Variants in PCDH15 observed in about 807,000 individuals in gnomAD.
PCDH15 encodes the protein protocadherin-15.
Under a neutral mutation model 178.5 loss-of-function variants are expected in PCDH15, and 129 were observed. The observed-to-expected ratio is 0.72, with a 90% CI of 0.63 to 0.84. The LOEUF is 0.84. Among genes scored for constraint, PCDH15 ranks in the 40% least tolerant of loss-of-function variants. The pLI, the probability that PCDH15 is intolerant of heterozygous loss-of-function variation, is 0.00. For synonymous variants in PCDH15, 800 were observed against 732.0 expected, an observed-to-expected ratio of 1.09 and a Z score of -1.50; for missense variants, 2,230 against 2,099.9, an observed-to-expected ratio of 1.06 and a Z score of -1.21.
chr10:55,313,756 A>C (rs2132291544), intron 1 of PCDH15, among the ~76,000 whole-genome samples: 1 of 152,312 alleles, frequency 6.6e-6, no homozygotes, highest in South Asian at 2.1e-4. Context: ...GGAATAGAAT[A>C]ATGTGCAGTG....
chr10:54,015,644 A>G (rs1032833579), intron 20 of PCDH15, among the ~76,000 whole-genome samples: 2 of 152,186 alleles, frequency 1.3e-5, no homozygotes, highest in African/African-American at 4.8e-5. Context: ...AAAACAAGCA[A>G]TGGAGAATGG....
Position 54,963,337 on chromosome 10 carries a change from T to G in PCDH15, c.-79-65837A>C, listed in dbSNP as rs544940403. Among the ~76,000 whole-genome samples, 25 of 11,836 alleles carry G rather than the reference T, an allele frequency of 2.1e-3. No homozygotes were observed. The East Asian group carries it at 0.15, about 72-fold the overall frequency. The allele number at this position is 11,836 out of a possible 152,430, so 7.8% of individuals were successfully genotyped here. ...TCTGCTTAACTGACATAAAATGTGT[T>G]TTTTTTTTTTTACTATTTTAATGGA... On this transcript the variant is annotated intron_variant, in intron 2 of 5. Coordinates refer to the PCDH15 transcript ENST00000458638.
intron 2 of PCDH15, among the ~76,000 whole-genome samples, chr10:55,430,998 AT>A (rs775998970): frequency 2.0e-4 from 31 of 152,166 alleles, no homozygotes; most frequent in Non-Finnish European, 3.7e-4. Context: ...ACTGGCTGGA[AT>A]TTATTTCCTT....
At chr10:55,072,867 G>A (rs970651330) in intron 2 of PCDH15, among the ~76,000 whole-genome samples, 37 of 150,698 alleles carry the variant, frequency 2.5e-4, no homozygotes, top group Non-Finnish European at 3.3e-4. Context: ...CTGGCAAACC[G>A]AATCCAGCAG....
intron 2 of PCDH15, among the ~76,000 whole-genome samples, chr10:55,359,930 T>A (rs1219267307): frequency 6.6e-6 from 1 of 151,636 alleles, no homozygotes; most frequent in Non-Finnish European, 1.5e-5. Flanking sequence ...ATGTAGAATC[T>A]AAAAAAGTCT....
At chr10:54,543,675 G>T (rs1293098687) in intron 2 of PCDH15, among the ~76,000 whole-genome samples, 1 of 152,134 alleles carries the variant, frequency 6.6e-6, no homozygotes, top group African/African-American at 2.4e-5. Flanking sequence ...TTAAAAGAAA[G>T]TTGACTAGCC....
At chr10:54,417,721 T>G (rs1278868470) in intron 3 of PCDH15, among the ~76,000 whole-genome samples, 1 of 152,214 alleles carries the variant, frequency 6.6e-6, no homozygotes, top group Non-Finnish European at 1.5e-5. Context: ...TTTTGATATC[T>G]TAATTCCTGA....
At chr10:54,615,317 G>T (rs1317495673) in intron 2 of PCDH15, among the ~76,000 whole-genome samples, 1 of 152,034 alleles carries the variant, frequency 6.6e-6, no homozygotes, top group Non-Finnish European at 1.5e-5. Context: ...GTTTTGTATA[G>T]AAGTATACTC....
intron 26 of PCDH15, among the ~76,000 whole-genome samples, chr10:53,895,424 CT>C (rs1564708987): frequency 6.6e-6 from 1 of 152,072 alleles, no homozygotes; most frequent in African/African-American, 2.4e-5. Context: ...CCATAAATTT[CT>C]TAAATTTGGC....
At chr10:54,597,429 C>G (rs1014622171) in intron 2 of PCDH15, among the ~76,000 whole-genome samples, 2 of 152,036 alleles carry the variant, frequency 1.3e-5, no homozygotes, top group African/African-American at 2.4e-5. Context: ...ACCAGAATCT[C>G]TGGGACACAA....
At chr10:55,125,078 C>A (rs943321157) in intron 2 of PCDH15, among the ~76,000 whole-genome samples, 2 of 151,616 alleles carry the variant, frequency 1.3e-5, no homozygotes, top group African/African-American at 4.8e-5. Context: ...TATCTAGAAC[C>A]AGCCATTAAA....
chr10:54,817,137 CATT>C (rs566592637), intron 3 of PCDH15, among the ~76,000 whole-genome samples: 2 of 151,834 alleles, frequency 1.3e-5, no homozygotes, highest in South Asian at 2.1e-4. Flanking sequence ...TTTAATCTAA[CATT>C]ATATATGTAA....
intron 1 of PCDH15, among the ~76,000 whole-genome samples, chr10:55,217,477 T>C (rs1840739766): frequency 6.6e-6 from 1 of 151,860 alleles, no homozygotes; most frequent in Admixed American, 6.6e-5. Context: ...TTAAACGTTT[T>C]AAAAATGAAA....
At chr10:54,829,835 C>A (rs962695409) in intron 3 of PCDH15, among the ~76,000 whole-genome samples, 30 of 152,106 alleles carry the variant, frequency 2.0e-4, no homozygotes, top group Non-Finnish European at 3.4e-4. Context: ...AAATGATATG[C>A]ACACTATAGC....
chr10:55,487,873 T>C (rs1840329704), intron 2 of PCDH15, among the ~76,000 whole-genome samples: 1 of 151,592 alleles, frequency 6.6e-6, no homozygotes, highest in Non-Finnish European at 1.5e-5. Flanking sequence ...TGACTGTATA[T>C]AATTAAGCCT....
chr10:54,440,630 A>T (rs1217010715), intron 3 of PCDH15, among the ~76,000 whole-genome samples: 3 of 151,890 alleles, frequency 2.0e-5, no homozygotes, highest in Non-Finnish European at 2.9e-5. Context: ...TTTATTAGAA[A>T]ATTATTTTAT....
At chr10:55,102,256 T>C (rs1210115091) in intron 2 of PCDH15, among the ~76,000 whole-genome samples, 1 of 152,092 alleles carries the variant, frequency 6.6e-6, no homozygotes, top group African/African-American at 2.4e-5. Flanking sequence ...AACTTTATAT[T>C]TTCTCTGTTT....
At chr10:54,021,788 C>T (rs961571434) in intron 19 of PCDH15, among the ~76,000 whole-genome samples, 1 of 151,848 alleles carries the variant, frequency 6.6e-6, no homozygotes, top group African/African-American at 2.4e-5. Flanking sequence ...CCTGAAAACT[C>T]GAAGAAAGCA....
chr10:54,777,164 A>G (rs933671186), intron 1 of PCDH15, among the ~76,000 whole-genome samples: 9 of 152,134 alleles, frequency 5.9e-5, no homozygotes, highest in African/African-American at 7.2e-5. Flanking sequence ...TTTTCATGCA[A>G]TCATTTCAGA....
Sources: gnomAD v4.1 joint callset for allele counts (sites outside exome capture counted in the v4.1 genomes callset) on GRCh38, gnomAD v4.1.1 for gene constraint, MANE v1.5 for transcripts, NCBI Gene and HGNC (gene_info 2026-07-23, HGNC 2026-07-21) for gene names.